The following OSBP2 variants were observed in gnomAD, a reference collection of about 807,000 sequenced individuals.
The protein encoded by OSBP2 is oxysterol binding protein 2.
A neutral mutation model predicts 96.0 loss-of-function variants in OSBP2; 66 were observed. The ratio of observed to expected loss-of-function variants is 0.69; its 90% confidence interval spans 0.56 to 0.84. The LOEUF (loss-of-function observed/expected upper bound fraction) is 0.84. OSBP2 is among the 40% of genes least tolerant of loss of function. The pLI is 0.00. For synonymous variants in OSBP2, 525 were observed against 520.9 expected (o/e 1.01, Z -0.11); for missense variants, 1,038 against 1,222.7 (o/e 0.85, Z 2.25).
chr22:30,789,463 A>G (rs2090642747), intron 2 of OSBP2, among the ~76,000 whole-genome samples: 1 of 152,068 alleles, frequency 6.6e-6, no homozygotes, highest in South Asian at 2.1e-4. Context: ...CAAATTTTCC[A>G]CCATTTCCAG....
intron 2 of OSBP2, among the ~76,000 whole-genome samples, chr22:30,795,450 A>G (rs769522343): frequency 2.6e-5 from 4 of 151,136 alleles, no homozygotes; most frequent in African/African-American, 4.9e-5. Flanking sequence ...TTTGAACCAC[A>G]TGTCTTTATG....
chr22:30,758,665 C>T (rs528916594), intron 2 of OSBP2, among the ~76,000 whole-genome samples: 9 of 152,110 alleles, frequency 5.9e-5, no homozygotes, highest in South Asian at 4.2e-4. Context: ...ATAGCAGTGG[C>T]GATGAGAGGC....
At position 30,874,191 on chromosome 22, in the gene OSBP2, C is replaced by T. The variant is rs372864543; in HGVS notation, c.1107+3509C>T. On this transcript the variant is annotated intron_variant, in intron 3 of 13. Transcript: ENST00000332585. The stretch of plus-strand genomic sequence containing the variant: ...GGCAGAGGTTGCAGTGAGCCAAGAT[C>T]GCACCACTGCATTCCAAACTGAACG... 6.2e-4 allele frequency among the ~76,000 whole-genome samples: 94 copies of T among 152,224 alleles called. 1 individual carries two copies. The Middle Eastern group carries it at 0.01, about 17-fold the overall frequency.
At chr22:30,886,280 C>A (rs538908218) in intron 3 of OSBP2, among the ~76,000 whole-genome samples, 2 of 152,244 alleles carry the variant, frequency 1.3e-5, no homozygotes, top group East Asian at 3.9e-4. Flanking sequence ...GCCTTCCAGG[C>A]TATAGGTAAA....
chr22:30,721,180 T>C (rs779392292), intron 1 of OSBP2, among the ~76,000 whole-genome samples: 7 of 152,032 alleles, frequency 4.6e-5, no homozygotes, highest in Non-Finnish European at 1.0e-4. Flanking sequence ...GGAGCTGATA[T>C]GCACCACTGC....
chr22:30,785,072 C>T (rs2090568277), intron 2 of OSBP2, among the ~76,000 whole-genome samples: 1 of 152,122 alleles, frequency 6.6e-6, no homozygotes, highest in Admixed American at 6.6e-5. Flanking sequence ...CTGCACCCAG[C>T]CTCCTTTACT....
At chr22:30,695,860 G>C (rs1419088874) in intron 1 of OSBP2, among the ~76,000 whole-genome samples, 4 of 152,136 alleles carry the variant, frequency 2.6e-5, no homozygotes, top group Non-Finnish European at 4.4e-5. Flanking sequence ...GTGGGGCTTG[G>C]GGCAGCTAGC....
chr22:30,695,237 T>C lies in OSBP2; in HGVS notation c.328T>C (p.Ser110Pro), dbSNP rs1209735239. The C allele has an allele frequency of 6.2e-7, 1 of 1,612,828 alleles. No homozygotes were observed. The highest frequency in any genetic ancestry group is 8.5e-7 in the Non-Finnish European group (1 of 1,179,672). The change falls in exon 1 of 14, where the codon TCA becomes CCA. Residue 110 changes from serine (S) to proline (P), a missense_variant. By Grantham distance (74) the Ser-to-Pro change is moderately conservative. Around this residue, in one of 3 missense-constraint regions of OSBP2, gnomAD observed 281 missense variants for 273.4 expected, o/e 1.03. Transcript: ENST00000332585. Reference sequence around the variant, plus strand: ...GCAGGGGTCGCGGCCGGGGTCAGAGTCAAGCTCAGGTGTAGGGGCTGGGCC... The same window carrying C: ...GCAGGGGTCGCGGCCGGGGTCAGAGCCAAGCTCAGGTGTAGGGGCTGGGCC... ...LLQGSRPGSE[S>P]SSGVGAGPFT...
At chr22:30,748,983 G>A (rs779709199) in intron 2 of OSBP2, among the ~76,000 whole-genome samples, 2 of 152,194 alleles carry the variant, frequency 1.3e-5, no homozygotes, top group South Asian at 2.1e-4. Context: ...GGGCATAGTA[G>A]CGCACGCCTG....
rs142916958 is a variant in OSBP2, at chr22:30,740,078, C to T, written c.645-1083C>T. On this transcript the variant is annotated intron_variant, in intron 1 of 13. Transcript: ENST00000332585. ...CCAGCTGGTCTTGAACTCCTGACCT[C>T]GGGTGATCTGCCCATCTCGGCCTCC... Among the ~76,000 whole-genome samples, 561 of 152,242 alleles carry T rather than the reference C, an allele frequency of 3.7e-3. 4 individuals carry two copies. The highest frequency in any genetic ancestry group is 0.012 in the African/African-American group (519 of 41,540).
rs1569119423 is a variant in OSBP2 at position 30,778,169 on chromosome 22, C to CTTTTTT, written c.853+36800_853+36801insTTTTTT. ...ACCAGCATGCCCGGCTAATTTTTGC[C>CTTTTTT]CTTTTTTTTTTTTTTTTTTTTAGTA... On this transcript the variant is annotated intron_variant, in intron 2 of 13. Coordinates refer to ENST00000332585, the MANE Select transcript of OSBP2 (RefSeq NM_030758.4). Among the ~76,000 whole-genome samples, 91 of 124,172 alleles carry CTTTTTT rather than the reference C, an allele frequency of 7.3e-4. 11 individuals carry two copies. The highest frequency in any genetic ancestry group is 9.6e-3 in the Middle Eastern group (2 of 208). The allele number at this position is 124,172 out of a possible 152,430, so 81.5% of individuals were successfully genotyped here. A position where few individuals can be genotyped will look rare whatever the true frequency, so the allele number is the denominator to read the frequency against.
At chr22:30,892,147 C>T (rs2039962844) in intron 8 of OSBP2, among the ~76,000 whole-genome samples, 2 of 151,556 alleles carry the variant, frequency 1.3e-5, no homozygotes, top group African/African-American at 2.4e-5. Flanking sequence ...ATGCTGGATG[C>T]GATTTGAAGG....
At chr22:30,711,752 A>AC (rs1386224899) in intron 1 of OSBP2, among the ~76,000 whole-genome samples, 1 of 151,850 alleles carries the variant, frequency 6.6e-6, no homozygotes, top group Non-Finnish European at 1.5e-5. Context: ...AAAAAAAAAA[A>AC]AAAAAAAAAT....
At chr22:30,895,336 A>C (rs2040039614) in intron 12 of OSBP2, among the ~76,000 whole-genome samples, 1 of 152,054 alleles carries the variant, frequency 6.6e-6, no homozygotes, top group South Asian at 2.1e-4. Context: ...GAGATGAAAG[A>C]CCCTGTACTG....
chr22:30,880,369 G>A (rs762009199), intron 3 of OSBP2, among the ~76,000 whole-genome samples: 3 of 152,200 alleles, frequency 2.0e-5, no homozygotes, highest in Admixed American at 1.3e-4. Context: ...TGGACCAGCC[G>A]CAGATAAGAA....
chr22:30,732,253 G>A (rs1468850817), intron 1 of OSBP2, among the ~76,000 whole-genome samples: 2 of 152,116 alleles, frequency 1.3e-5, no homozygotes, highest in East Asian at 1.9e-4. Flanking sequence ...GCAGAAAGCC[G>A]AGATAGCGCC....
At chr22:30,740,028 T>G (rs751467016) in intron 1 of OSBP2, among the ~76,000 whole-genome samples, 3 of 152,128 alleles carry the variant, frequency 2.0e-5, no homozygotes, top group Non-Finnish European at 4.4e-5. Flanking sequence ...GTATTTTTAG[T>G]AGAGACGGGA....
chr22:30,758,291 C>T (rs1290835479), intron 2 of OSBP2, among the ~76,000 whole-genome samples: 3 of 152,062 alleles, frequency 2.0e-5, no homozygotes, highest in Non-Finnish European at 2.9e-5. Context: ...AGTCCAGCTA[C>T]TGGGGAGGCT....
chr22:30,905,134 CTTTT>C (rs566334052), intron 12 of OSBP2, among the ~76,000 whole-genome samples: 110 of 68,718 alleles, frequency 1.6e-3, no homozygotes, highest in African/African-American at 6.0e-3. Context: ...CGAGACCCGT[CTTTT>C]TTTTTTTTTT....
Sources: gnomAD v4.1 joint callset for allele counts (sites outside exome capture counted in the v4.1 genomes callset) on GRCh38, gnomAD v4.1.1 for gene constraint, gnomAD v4.1.1 regional missense constraint, MANE v1.5 for transcripts, NCBI Gene and HGNC (gene_info 2026-07-23, HGNC 2026-07-21) for gene names.